XKR4: variants seen among roughly 807,000 people sequenced by gnomAD.
The protein encoded by XKR4 is XK related 4, also known as XK-related protein 4.
In XKR4, 12 loss-of-function variants were observed where a neutral mutation model predicts 53.9. That is an observed-to-expected ratio of 0.22 (90% CI 0.14 to 0.36). XKR4 has a LOEUF of 0.36. XKR4 is among the 10% of genes least tolerant of loss of function. XKR4 has a pLI of 1.00. For missense variants in XKR4, 799 were observed against 859.5 expected, an observed-to-expected ratio of 0.93 and a Z score of 0.88; for synonymous variants, 354 against 362.4, an observed-to-expected ratio of 0.98 and a Z score of 0.26.
chr8:55,465,270 T>A (rs1197979531), intron 2 of XKR4, among the ~76,000 whole-genome samples: 2 of 152,128 alleles, frequency 1.3e-5, no homozygotes, highest in South Asian at 2.1e-4. Flanking sequence ...AACAGCATGG[T>A]ACTGGTACCA....
chr8:55,308,890 C>T (rs1351126204), intron 1 of XKR4, among the ~76,000 whole-genome samples: 2 of 152,154 alleles, frequency 1.3e-5, no homozygotes, highest in South Asian at 2.1e-4. Context: ...ATCAGCTGTC[C>T]TGGAAATGGA....
intron 1 of XKR4, among the ~76,000 whole-genome samples, chr8:55,267,569 A>G (rs1223927998): frequency 1.3e-5 from 2 of 152,224 alleles, no homozygotes; most frequent in Non-Finnish European, 2.9e-5. Flanking sequence ...ATCCACCAGT[A>G]AAATTAAGTA....
intron 1 of XKR4, among the ~76,000 whole-genome samples, chr8:55,273,673 C>T (rs1021541637): frequency 9.8e-5 from 15 of 152,308 alleles, no homozygotes; most frequent in African/African-American, 2.9e-4. Context: ...CACAAGAAGA[C>T]AGCTCCGACT....
chr8:55,289,699 A>AGAAAGAAAG (rs1563316562), intron 1 of XKR4, among the ~76,000 whole-genome samples: 7 of 125,598 alleles, frequency 5.6e-5, no homozygotes, highest in African/African-American at 1.9e-4. Context: ...AAGAAAGAGA[A>AGAAAGAAAG]AGAAAGAAAG....
chr8:55,105,419 G>A (rs1816128347), intron 1 of XKR4, among the ~76,000 whole-genome samples: 1 of 152,132 alleles, frequency 6.6e-6, no homozygotes, highest in Non-Finnish European at 1.5e-5. Context: ...ACCGCAGGCT[G>A]TCAGACAAAT....
chr8:55,151,064 G>C (rs1479076657), intron 1 of XKR4, among the ~76,000 whole-genome samples: 1 of 152,160 alleles, frequency 6.6e-6, no homozygotes, highest in Non-Finnish European at 1.5e-5. Flanking sequence ...TTGAATAACA[G>C]CAGTGTATTA....
chr8:55,508,981 A>T (rs1806583566), intron 2 of XKR4, among the ~76,000 whole-genome samples: 1 of 152,226 alleles, frequency 6.6e-6, no homozygotes, highest in South Asian at 2.1e-4. Context: ...TTAAGTATAT[A>T]AACTTTTGGA....
chr8:55,441,204 C>CACT (rs1163868325), intron 2 of XKR4, among the ~76,000 whole-genome samples: 1 of 151,916 alleles, frequency 6.6e-6, no homozygotes, highest in African/African-American at 2.4e-5. Flanking sequence ...TGGACTACTG[C>CACT]ACTACAGCCT....
At chr8:55,392,729 T>C (rs1037742782) in intron 2 of XKR4, among the ~76,000 whole-genome samples, 1 of 152,256 alleles carries the variant, frequency 6.6e-6, no homozygotes, top group Non-Finnish European at 1.5e-5. Flanking sequence ...AAGCAGAGGT[T>C]ACAGTGAGCT....
At chr8:55,477,585 G>T (rs911209851) in intron 2 of XKR4, among the ~76,000 whole-genome samples, 1 of 152,122 alleles carries the variant, frequency 6.6e-6, no homozygotes, top group Non-Finnish European at 1.5e-5. Flanking sequence ...AGAGAAGAAG[G>T]CTTCAGATGA....
intron 1 of XKR4, among the ~76,000 whole-genome samples, chr8:55,190,265 T>C (rs74434762): frequency 1.6e-3 from 250 of 152,270 alleles, no homozygotes; most frequent in African/African-American, 5.7e-3. Flanking sequence ...CCAAGTAAAA[T>C]TGTCTGTGCC....
chr8:55,475,898 G>C (rs1464931040), intron 2 of XKR4, among the ~76,000 whole-genome samples: 3 of 151,956 alleles, frequency 2.0e-5, no homozygotes, highest in Non-Finnish European at 4.4e-5. Context: ...ACCACACCCA[G>C]CCTCACACTC....
intron 1 of XKR4, among the ~76,000 whole-genome samples, chr8:55,330,498 C>T (rs1803367583): frequency 2.0e-5 from 3 of 151,984 alleles, no homozygotes; most frequent in African/African-American, 7.3e-5. Flanking sequence ...AAAAAACATG[C>T]TGTTTTATTA....
Position 55,528,339 on chromosome 8 carries a change from T to C in XKR4, c.*4112T>C, listed in dbSNP as rs1317110599. 2.6e-5 allele frequency: 4 copies of C among 152,228 alleles called. No homozygotes were observed. Among genetic ancestry groups the C allele is most frequent in the Non-Finnish European group, 4.4e-5 (3 of 68,044 alleles). The allele number at this position is 152,228 out of a possible 1,614,324, so 9.4% of individuals were successfully genotyped here. ...TTCAAAGTTTCTTTCTCTGAACAGATTGAATTGAGCAAAGAGAACCTCTTC... is the reference window on the plus strand; with the variant it reads ...TTCAAAGTTTCTTTCTCTGAACAGACTGAATTGAGCAAAGAGAACCTCTTC... On this transcript the variant is annotated 3_prime_UTR_variant, in exon 3 of 3. Coordinates refer to ENST00000327381, the MANE Select transcript of XKR4 (RefSeq NM_052898.2).
At chr8:55,332,350 T>G (rs1363947341) in intron 1 of XKR4, among the ~76,000 whole-genome samples, 2 of 152,102 alleles carry the variant, frequency 1.3e-5, no homozygotes, top group African/African-American at 4.8e-5. Flanking sequence ...ACCAAACAAA[T>G]TATAATTTTT....
At position 55,528,050 on chromosome 8, in the gene XKR4, G is replaced by C. The variant is rs1031552124; in HGVS notation, c.*3823G>C. The C allele has an allele frequency of 1.3e-5, 2 of 152,088 alleles. No individual in the cohort carries two copies. The highest frequency in any genetic ancestry group is 2.9e-5 in the Non-Finnish European group (2 of 68,014). 9.4% of individuals were successfully genotyped at this position (152,088 alleles called of 1,614,324 possible). On this transcript the variant is annotated 3_prime_UTR_variant, in exon 3 of 3. Transcript: ENST00000327381. ...CCAACTAAAGTAACAGAGATGAAAA[G>C]GATAAAGTATATACTGCTTTTGAAT... is the stretch of plus-strand genomic sequence containing the variant.
At chr8:55,436,240 G>C (rs1242674884) in intron 2 of XKR4, among the ~76,000 whole-genome samples, 4 of 152,174 alleles carry the variant, frequency 2.6e-5, no homozygotes. Context: ...GTGCTTTACA[G>C]TGATTCTCTT....
chr8:55,329,988 G>A (rs931494665), intron 1 of XKR4, among the ~76,000 whole-genome samples: 12 of 152,128 alleles, frequency 7.9e-5, no homozygotes, highest in Admixed American at 3.3e-4. Flanking sequence ...AATTCTCAGG[G>A]TTAATTCTAG....
At chr8:55,281,582 A>G (rs1211608008) in intron 1 of XKR4, among the ~76,000 whole-genome samples, 2 of 152,258 alleles carry the variant, frequency 1.3e-5, no homozygotes, top group African/African-American at 2.4e-5. Context: ...TGTCAAGTTC[A>G]TCAACCTGTA....
Sources: allele counts gnomAD v4.1 joint callset (sites outside exome capture counted in the v4.1 genomes callset), GRCh38; gene constraint gnomAD v4.1.1; transcripts MANE v1.5; gene names NCBI Gene and HGNC (gene_info 2026-07-23, HGNC 2026-07-21).